TULP3: variants seen among roughly 807,000 people sequenced by gnomAD.
The protein encoded by TULP3 is tubby-related protein 3.
In TULP3, 38 loss-of-function variants were observed where a neutral mutation model predicts 50.7. The ratio of observed to expected loss-of-function variants is 0.75; its 90% CI spans 0.58 to 0.98. The LOEUF (loss-of-function observed/expected upper bound fraction) is 0.98. TULP3 is among the 50% of genes least tolerant of loss of function. TULP3 has a pLI of 0.00. For missense variants in TULP3, 550 were observed against 568.0 expected (o/e 0.97, Z 0.32); for synonymous variants, 183 against 196.6 (o/e 0.93, Z 0.58).
At chr12:2,913,196 TGA>T (rs1359163681) in intron 2 of TULP3, among the ~76,000 whole-genome samples, 1 of 139,138 alleles carries the variant, frequency 7.2e-6, no homozygotes, top group Admixed American at 7.5e-5. Flanking sequence ...CTAATTATGT[TGA>T]GTTTGTGTGT....
At position 2,939,989 on chromosome 12, in the gene TULP3, C is replaced by G. The variant is rs1284857973; in HGVS notation, c.*545C>G. ...TTGCAGTAGAATCAGGGACTGACAT[C>G]GCAGTTCCTCTCCTCTCTTCATTCC... is the stretch of plus-strand genomic sequence containing the variant. On this transcript the variant is annotated 3_prime_UTR_variant, in exon 11 of 11. Coordinates refer to ENST00000448120, the MANE Select transcript of TULP3 (RefSeq NM_003324.5). The surrounding 1 kb of genome is among the most constrained non-coding windows in gnomAD (Gnocchi z 4.0). 1.6e-6 allele frequency: 2 copies of G among 1,281,062 alleles called. No homozygotes were observed. Among genetic ancestry groups the G allele is most frequent in the Non-Finnish European group, 2.0e-6 (2 of 981,840 alleles). 79.4% of individuals were successfully genotyped at this position (1,281,062 alleles called of 1,614,324 possible).
intron 2 of TULP3, among the ~76,000 whole-genome samples, chr12:2,911,282 T>C (rs1157209408): frequency 6.6e-6 from 1 of 152,064 alleles, no homozygotes; most frequent in Non-Finnish European, 1.5e-5. Flanking sequence ...TGAAAACATC[T>C]CTCTCTGCTT....
chr12:2,936,624 T>C (rs1179218956), intron 8 of TULP3, among the ~76,000 whole-genome samples: 2 of 149,534 alleles, frequency 1.3e-5, no homozygotes, highest in Non-Finnish European at 3.0e-5. Context: ...TGGTGGCGCA[T>C]GCCTATAATC....
At chr12:2,922,855 A>ATTTTTTTTT (rs373807687) in intron 4 of TULP3, among the ~76,000 whole-genome samples, 1 of 136,790 alleles carries the variant, frequency 7.3e-6, no homozygotes, top group African/African-American at 2.8e-5. Flanking sequence ...TAGAAAAATA[A>ATTTTTTTTT]TTTTTTTTTT....
At chr12:2,907,546 G>T (rs539286065) in intron 1 of TULP3, among the ~76,000 whole-genome samples, 3 of 150,742 alleles carry the variant, frequency 2.0e-5, no homozygotes, top group Non-Finnish European at 4.4e-5. Flanking sequence ...TACTCAGGAG[G>T]CTGAGGCACG....
At chr12:2,904,266 C>G (rs2098180974) in intron 1 of TULP3, among the ~76,000 whole-genome samples, 1 of 152,130 alleles carries the variant, frequency 6.6e-6, no homozygotes, top group South Asian at 2.1e-4. Flanking sequence ...TCAGAAAATT[C>G]TCTTTCTGTA....
chr12:2,899,360 A>C (rs1348485580), intron 1 of TULP3, among the ~76,000 whole-genome samples: 2 of 151,804 alleles, frequency 1.3e-5, no homozygotes, highest in Non-Finnish European at 2.9e-5. Context: ...AAAAAAAAAA[A>C]AAAACAGCGA....
At chr12:2,928,793 A>G (rs1418252471) in intron 4 of TULP3, among the ~76,000 whole-genome samples, 2 of 151,820 alleles carry the variant, frequency 1.3e-5, no homozygotes, top group Non-Finnish European at 2.9e-5. Flanking sequence ...AAATACAAAA[A>G]AATTAGCTGG....
chr12:2,891,245 T>C (rs906490695), intron 1 of TULP3, among the ~76,000 whole-genome samples: 8 of 152,042 alleles, frequency 5.3e-5, no homozygotes, highest in Non-Finnish European at 8.8e-5. Context: ...CTTAGGAACT[T>C]CTGGAGTTTT....
chr12:2,895,637 T>C (rs889373013), intron 1 of TULP3, among the ~76,000 whole-genome samples: 2 of 152,066 alleles, frequency 1.3e-5, no homozygotes, highest in African/African-American at 2.4e-5. Context: ...TCCACAATTA[T>C]CTGAAATTGT....
chr12:2,912,487 C>G (rs1181154384), intron 2 of TULP3, among the ~76,000 whole-genome samples: 2 of 152,176 alleles, frequency 1.3e-5, no homozygotes, highest in East Asian at 3.8e-4. Context: ...GTGGCAGAGG[C>G]TGGGGAAGCC....
intron 1 of TULP3, among the ~76,000 whole-genome samples, chr12:2,901,361 C>CT (rs1428484529): frequency 4.0e-5 from 5 of 123,796 alleles, no homozygotes; most frequent in African/African-American, 1.6e-4. Flanking sequence ...ATTGCCTAGG[C>CT]TTTTTGCCCA....
chr12:2,933,504 A>G lies in TULP3; in HGVS notation c.783A>G (p.Glu261=). 6.2e-7 allele frequency: 1 copy of G among 1,613,960 alleles called. No homozygotes were observed. The highest frequency in any genetic ancestry group is 8.5e-7 in the Non-Finnish European group (1 of 1,179,884). The change falls in exon 7 of 11, where the codon GAA becomes GAG. Residue 261 remains glutamate (E), a synonymous_variant. Coordinates refer to ENST00000448120, the MANE Select transcript of TULP3 (RefSeq NM_003324.5). ...ISIDPVDLSR[E]GESYVGKLRS... Reference sequence around the variant, plus strand: ...TTGATCCAGTTGATTTATCTCGTGAAGGAGAAAGTTATGTCGGCAAGCTTA... The same window carrying G: ...TTGATCCAGTTGATTTATCTCGTGAGGGAGAAAGTTATGTCGGCAAGCTTA...
chr12:2,891,519 G>A (rs2098172055), intron 1 of TULP3, among the ~76,000 whole-genome samples: 1 of 152,186 alleles, frequency 6.6e-6, no homozygotes, highest in Non-Finnish European at 1.5e-5. Flanking sequence ...CCTGATTCGG[G>A]ATGGTCTGAC....
intron 1 of TULP3, among the ~76,000 whole-genome samples, chr12:2,892,995 T>G (rs1565494394): frequency 1.3e-5 from 2 of 152,072 alleles, no homozygotes; most frequent in Non-Finnish European, 2.9e-5. Flanking sequence ...GCATCCCTAG[T>G]AGCTGGGACC....
chr12:2,893,334 T>G (rs1473271734), intron 1 of TULP3, among the ~76,000 whole-genome samples: 1 of 150,354 alleles, frequency 6.7e-6, no homozygotes, highest in Non-Finnish European at 1.5e-5. Flanking sequence ...TGTGTTTTTT[T>G]TTTTTTTTTT....
chr12:2,899,924 A>AC (rs1565496816), intron 1 of TULP3, among the ~76,000 whole-genome samples: 24 of 143,224 alleles, frequency 1.7e-4, no homozygotes, highest in African/African-American at 6.2e-4. Flanking sequence ...AAAAACAAAA[A>AC]AAACTTGGAG....
At chr12:2,899,182 CT>C (rs1247035353) in intron 1 of TULP3, among the ~76,000 whole-genome samples, 1 of 151,652 alleles carries the variant, frequency 6.6e-6, no homozygotes, top group Admixed American at 6.6e-5. Flanking sequence ...CATGTATCTA[CT>C]AAAAATACAA....
At chr12:2,899,353 A>AAAAC (rs1346171390) in intron 1 of TULP3, among the ~76,000 whole-genome samples, 2 of 151,824 alleles carry the variant, frequency 1.3e-5, no homozygotes, top group Admixed American at 1.3e-4. Context: ...CTCAAAAAAA[A>AAAAC]AAAAAAAAAA....
Sources: gnomAD v4.1 joint callset for allele counts (sites outside exome capture counted in the v4.1 genomes callset) on GRCh38, gnomAD v4.1.1 for gene constraint, Gnocchi (gnomAD v3.1) non-coding constraint, MANE v1.5 for transcripts, NCBI Gene and HGNC (gene_info 2026-07-23, HGNC 2026-07-21) for gene names.